Variants in BRD8 observed in about 807,000 individuals in gnomAD.
BRD8 encodes bromodomain containing 8.
BRD8 carries 67 observed loss-of-function variants against 143.1 expected under a neutral mutation model. The ratio of observed to expected loss-of-function variants is 0.47; its 90% CI spans 0.38 to 0.57. The LOEUF (loss-of-function observed/expected upper bound fraction) is 0.57. Among genes scored for constraint, BRD8 ranks in the 20% least tolerant of loss-of-function variants. The pLI is 0.00. For synonymous variants in BRD8, 505 were observed against 517.1 expected (o/e 0.98, Z 0.32); for missense variants, 1,103 against 1,503.0 (o/e 0.73, Z 4.40).
rs2151203194 is a variant in BRD8, at chr5:138,165,152, A to G, written c.1293T>C (p.Pro431=). The change falls in exon 12 of 27, where the codon CCT becomes CCC. Residue 431 remains proline, a synonymous_variant. Transcript: ENST00000254900. ...CCACTGCTGCCACATCCAGCACTTC[A>G]GGATGATCATCTACCTGTCCCACAA... ...AIIEDKVDDH[P]EVLDVAAVEA... The G allele has an allele frequency of 6.2e-7, 1 of 1,613,912 alleles. No individual in the cohort carries two copies. Among genetic ancestry groups the G allele is most frequent in the Non-Finnish European group, 8.5e-7 (1 of 1,179,950 alleles).
chr5:138,159,578 G>C lies in BRD8; in HGVS notation c.2554C>G (p.Pro852Ala). 1 of 1,614,118 alleles carries C rather than the reference G, an allele frequency of 6.2e-7. No individual in the cohort carries two copies. The highest frequency in any genetic ancestry group is 8.5e-7 in the Non-Finnish European group (1 of 1,180,030). The change falls in exon 20 of 27, where the codon CCT becomes GCT. Residue 852 changes from proline (P) to alanine (A), a missense_variant. This residue lies in a region of BRD8 where 64 missense variants were observed against 211.3 expected (regional missense o/e 0.30). Transcript: ENST00000254900. ...SEKDSVPMGS[P>A]AFLLSLFMGH... ...ACAAAGAGAGAGAGAAGGAAGGCAG[G>C]AGAGCCCATTGGGACACTGTCCTGT...
At chr5:138,166,785 A>T in intron 9 of BRD8, 58 bp from the exon 10 acceptor site, 1 of 1,037,168 alleles carries the variant, frequency 9.6e-7, no homozygotes. Context: ...AATAAGAAGC[A>T]ATAGCTACTT....
At position 138,145,161 on chromosome 5, in the gene BRD8, C is replaced by A; in HGVS notation, c.3437+16G>T. ...TATAAAAGCAACCAACCTTTCTTGA[C>A]CCCTTTTTCACTGACCTTTTCACCA... On this transcript the variant is annotated intron_variant, in intron 25 of 26. Coordinates refer to ENST00000254900, the MANE Select transcript of BRD8 (RefSeq NM_139199.2). 3 of 1,604,652 alleles carry A rather than the reference C, an allele frequency of 1.9e-6. No individual in the cohort carries two copies. Among genetic ancestry groups the A allele is most frequent in the Non-Finnish European group, 2.5e-6 (3 of 1,177,268 alleles).
At chr5:138,144,461 T>C (rs1050559797) in intron 25 of BRD8, among the ~76,000 whole-genome samples, 1 of 152,194 alleles carries the variant, frequency 6.6e-6, no homozygotes, top group African/African-American at 2.4e-5. Flanking sequence ...GACACAATAC[T>C]ACAATCAACC....
chr5:138,176,408 C>T (rs1280175926), intron 2 of BRD8, among the ~76,000 whole-genome samples: 2 of 151,990 alleles, frequency 1.3e-5, no homozygotes, highest in African/African-American at 2.4e-5. Context: ...CTCATCTCTA[C>T]TAAAAATACA....
At chr5:138,160,665 T>A (rs1400872569) in intron 18 of BRD8, among the ~76,000 whole-genome samples, 6 of 152,216 alleles carry the variant, frequency 3.9e-5, no homozygotes, top group Non-Finnish European at 8.8e-5. Flanking sequence ...ATTTAAAAAC[T>A]TTATGAAACT....
intron 8 of BRD8, chr5:138,168,754 T>C: frequency 3.8e-6 from 3 of 796,930 alleles, no homozygotes; most frequent in Non-Finnish European, 4.2e-6. Context: ...CTAATCTGTA[T>C]GGGTTAGTGT....
At chr5:138,159,695 C>T in intron 19 of BRD8, 96 bp from the exon 20 acceptor site, 1 of 1,205,096 alleles carries the variant, frequency 8.3e-7, no homozygotes, top group Non-Finnish European at 1.2e-6. Flanking sequence ...ACCACACACA[C>T]AAGGACAAAA....
chr5:138,166,398 G>A (rs1225806608), intron 10 of BRD8, 120 bp downstream of exon 10: 1 of 662,000 alleles, frequency 1.5e-6, no homozygotes, highest in Non-Finnish European at 2.6e-6. Flanking sequence ...GGATAAAGAT[G>A]GCACATGTCT....
intron 3 of BRD8, 66 bp downstream of exon 3, chr5:138,171,999 G>T: frequency 8.4e-7 from 1 of 1,190,978 alleles, no homozygotes; most frequent in Non-Finnish European, 1.2e-6. Context: ...AAAAGTCAGG[G>T]CCTGGTAGAG....
Position 138,163,224 on chromosome 5 carries a change from T to C in BRD8, c.1993A>G (p.Ser665Gly), listed in dbSNP as rs1753144777. Residue 665 changes from serine to glycine, a missense_variant, in exon 15 of 27, where the codon AGC (serine) becomes GGC (glycine). By Grantham distance (56) the Ser-to-Gly change is moderately conservative. This residue lies in a region of BRD8 where 75 missense variants were observed against 111.7 expected (regional missense o/e 0.67). Coordinates refer to ENST00000254900, the MANE Select transcript of BRD8 (RefSeq NM_139199.2). ...LSEMDNEPPV[S>G]ESDDGFSIHN... The stretch of plus-strand genomic sequence containing the variant: ...ATGCTGAAGCCATCATCACTCTCGC[T>C]CACAGGAGGTTCATTATCCATTTCT... The C allele has an allele frequency of 6.2e-7, 1 of 1,614,038 alleles. No homozygotes were observed. The highest frequency in any genetic ancestry group is 8.5e-7 in the Non-Finnish European group (1 of 1,180,038).
At chr5:138,148,158 G>GA (rs1752230430) in intron 23 of BRD8, among the ~76,000 whole-genome samples, 2 of 118,806 alleles carry the variant, frequency 1.7e-5, no homozygotes, top group Non-Finnish European at 3.6e-5. Flanking sequence ...CTGATGAGCT[G>GA]GAAAAAAAAA....
At chr5:138,175,912 CAAA>C (rs59338837) in intron 2 of BRD8, among the ~76,000 whole-genome samples, 1 of 18,602 alleles carries the variant, frequency 5.4e-5, no homozygotes, top group Non-Finnish European at 9.7e-5. Context: ...ACCCTGTCTG[CAAA>C]AAAAAAAAAA....
In BRD8 at chr5:138,166,664, G is replaced by C. The variant is rs1293491700; in HGVS notation, c.851C>G (p.Ser284Cys). The change falls in exon 10 of 27, where the codon TCC becomes TGC. Residue 284 changes from serine to cysteine, a missense_variant. Physicochemically the swap from Ser to Cys is moderately radical, Grantham distance 112. Around this residue, in one of 7 missense-constraint regions of BRD8, gnomAD observed 334 missense variants for 372.5 expected, o/e 0.90. Transcript: ENST00000254900. ...GPTQFTTPLA[S>C]FTTVASEPPV... Reference sequence around the variant, plus strand: ...AGGCTCACTGGCAACAGTAGTGAAGGAAGCAAGAGGTGTGGTGAACTGTGT... The same window carrying C: ...AGGCTCACTGGCAACAGTAGTGAAGCAAGCAAGAGGTGTGGTGAACTGTGT... 18 of 1,614,056 alleles carry C rather than the reference G, an allele frequency of 1.1e-5. No individual in the cohort carries two copies. The highest frequency in any genetic ancestry group is 1.5e-5 in the Non-Finnish European group (18 of 1,179,936).
At chr5:138,168,262 GGAGAA>G (rs1450871260) in intron 8 of BRD8, among the ~76,000 whole-genome samples, 184 bp from the exon 9 acceptor site, 4 of 152,204 alleles carry the variant, frequency 2.6e-5, no homozygotes, top group African/African-American at 9.7e-5. Flanking sequence ...AGAGTTCTCT[GGAGAA>G]GAGAACCAAA....
At chr5:138,163,065 G>GAAGA in intron 15 of BRD8, 65 bp downstream of exon 15, 1 of 1,096,010 alleles carries the variant, frequency 9.1e-7, no homozygotes, top group Non-Finnish European at 1.3e-6. Context: ...AGGAAGGAAG[G>GAAGA]AAGGAAAAGA....
chr5:138,169,356 G>A lies in BRD8; in HGVS notation c.508C>T (p.Arg170Cys). 1.2e-6 allele frequency: 2 copies of A among 1,613,190 alleles called. No homozygotes were observed. Among genetic ancestry groups the A allele is most frequent in the Non-Finnish European group, 8.5e-7 (1 of 1,179,718 alleles). The part of the protein sequence containing the change: ...RKATDAAYQA[R>C]QAVKTPPRRL... ...CGGGGGGGTGTTTTTACTGCTTGAC[G>A]AGCTAGAACATAAAAGAGAACAATG... The change falls in exon 8 of 27, where the codon CGT becomes TGT. Residue 170 changes from arginine to cysteine, a missense_variant and splice_region_variant. Arg to Cys is a radical substitution (Grantham distance 180, BLOSUM62 -3). Coordinates refer to ENST00000254900, the MANE Select transcript of BRD8 (RefSeq NM_139199.2).
chr5:138,154,087 A>C (rs1313048978), intron 20 of BRD8, among the ~76,000 whole-genome samples: 1 of 152,142 alleles, frequency 6.6e-6, no homozygotes, highest in East Asian at 1.9e-4. Context: ...AAGTTTTCTC[A>C]GTGTCCATCC....
intron 15 of BRD8, among the ~76,000 whole-genome samples, chr5:138,162,385 A>C (rs2151199374): frequency 6.6e-6 from 1 of 151,948 alleles, no homozygotes; most frequent in South Asian, 2.1e-4. Context: ...TTGTAGAGAT[A>C]GGGTCTCACT....
Sources: gnomAD v4.1 joint callset for allele counts (sites outside exome capture counted in the v4.1 genomes callset) on GRCh38, gnomAD v4.1.1 for gene constraint, gnomAD v4.1.1 regional missense constraint, MANE v1.5 for transcripts, NCBI Gene and HGNC (gene_info 2026-07-23, HGNC 2026-07-21) for gene names.